The following CERS3 variants were observed in gnomAD, a reference collection of about 807,000 sequenced individuals.
CERS3 encodes LAG1 homolog, ceramide synthase 3.
CERS3 carries 33 observed loss-of-function variants against 50.3 expected under a neutral mutation model. That is an observed-to-expected ratio of 0.66 (90% CI 0.50 to 0.88). The LOEUF is 0.88. CERS3 is among the 40% of genes least tolerant of loss of function. The probability of loss-of-function intolerance (pLI) is 0.00; values close to 1 mark genes in which losing one functional copy is unlikely to be tolerated. For synonymous variants in CERS3, 176 were observed against 155.2 expected, an observed-to-expected ratio of 1.13 and a Z score of -0.99; for missense variants, 470 against 460.3, an observed-to-expected ratio of 1.02 and a Z score of -0.19.
chr15:100,431,834 G>C (rs1357504101), intron 11 of CERS3, among the ~76,000 whole-genome samples: 1 of 152,174 alleles, frequency 6.6e-6, no homozygotes, highest in East Asian at 1.9e-4. Flanking sequence ...ACTCTAGTTA[G>C]CTGTAGTCAA....
At chr15:100,508,708 G>A (rs931930261) in intron 2 of CERS3, among the ~76,000 whole-genome samples, 6 of 152,050 alleles carry the variant, frequency 3.9e-5, no homozygotes, top group Non-Finnish European at 5.9e-5. Flanking sequence ...AGCAATTTCT[G>A]GCAATTTAAA....
intron 10 of CERS3, among the ~76,000 whole-genome samples, chr15:100,465,947 C>G (rs2034700743): frequency 6.6e-6 from 1 of 152,210 alleles, no homozygotes; most frequent in African/African-American, 2.4e-5. Flanking sequence ...GCGTGAGCTA[C>G]CGTGCCTGGC....
chr15:100,529,426 T>G (rs2036885438), upstream of CERS3, among the ~76,000 whole-genome samples: 1 of 152,218 alleles, frequency 6.6e-6, no homozygotes, highest in African/African-American at 2.4e-5. Context: ...AAACGATCAG[T>G]TTTTTGAAGC....
At chr15:100,472,116 A>G (rs1476942182) in intron 9 of CERS3, among the ~76,000 whole-genome samples, 3 of 152,254 alleles carry the variant, frequency 2.0e-5, no homozygotes, top group Non-Finnish European at 4.4e-5. Flanking sequence ...CCTGTATTCA[A>G]TTGTTAGCCC....
At chr15:100,421,039 C>T (rs1210820964) in intron 11 of CERS3, among the ~76,000 whole-genome samples, 3 of 146,260 alleles carry the variant, frequency 2.1e-5, no homozygotes, top group Non-Finnish European at 1.5e-5. Context: ...GGGATGCCCT[C>T]TCTCACCACT....
intron 7 of CERS3, among the ~76,000 whole-genome samples, chr15:100,477,561 G>C (rs772923925): frequency 6.6e-6 from 1 of 152,170 alleles, no homozygotes; most frequent in African/African-American, 2.4e-5. Flanking sequence ...AAATGCACTA[G>C]AGCGAACCTT....
intron 11 of CERS3, among the ~76,000 whole-genome samples, chr15:100,413,189 T>G (rs2031619928): frequency 6.6e-6 from 1 of 152,222 alleles, no homozygotes; most frequent in Non-Finnish European, 1.5e-5. Context: ...TTTTACATCC[T>G]TTAAAAACAG....
intron 3 of CERS3, among the ~76,000 whole-genome samples, chr15:100,496,821 T>C (rs527646770): frequency 1.3e-4 from 20 of 152,346 alleles, no homozygotes; most frequent in African/African-American, 4.3e-4. Context: ...ATTTTAGTTA[T>C]GAATGATCAT....
chr15:100,472,569 A>G (rs916298058), intron 9 of CERS3, among the ~76,000 whole-genome samples: 3 of 152,210 alleles, frequency 2.0e-5, no homozygotes, highest in Non-Finnish European at 4.4e-5. Flanking sequence ...AGATGGTGCC[A>G]TCCAAATTTG....
At chr15:100,443,803 AAAC>A (rs1596672014) in intron 11 of CERS3, among the ~76,000 whole-genome samples, 2 of 152,054 alleles carry the variant, frequency 1.3e-5, no homozygotes, top group Non-Finnish European at 2.9e-5. Flanking sequence ...ACCTTCTACA[AAAC>A]AACAACTCCT....
At chr15:100,478,398 G>T (rs1222899479) in intron 7 of CERS3, among the ~76,000 whole-genome samples, 2 of 152,132 alleles carry the variant, frequency 1.3e-5, no homozygotes, top group Non-Finnish European at 1.5e-5. Context: ...GCTGGTAGAA[G>T]ATAGTAGACA....
intron 1 of CERS3, among the ~76,000 whole-genome samples, chr15:100,543,533 C>A (rs147407480): frequency 7.2e-6 from 1 of 139,726 alleles, no homozygotes; most frequent in East Asian, 2.1e-4. Flanking sequence ...TCCTTTCTTT[C>A]TTTTTTTTTT....
rs564572742 is a variant in CERS3 at position 100,442,030 on chromosome 15, G to T, written c.999+13863C>A. 1.3e-3 allele frequency among the ~76,000 whole-genome samples: 204 copies of T among 152,078 alleles called. 1 individual carries two copies. Among genetic ancestry groups the T allele is most frequent in the South Asian group, 0.012 (60 of 4,806 alleles). ...TATCACCTCCCCTCCTCACACCCAGGCCGGCTTACAGTTTTGTTCCATGAC... is the reference window on the plus strand; with the variant it reads ...TATCACCTCCCCTCCTCACACCCAGTCCGGCTTACAGTTTTGTTCCATGAC... On this transcript the variant is annotated intron_variant, in intron 11 of 11. Coordinates refer to ENST00000679737, the MANE Select transcript of CERS3 (RefSeq NM_001378789.1).
At chr15:100,462,592 A>G (rs1365384041) in intron 10 of CERS3, among the ~76,000 whole-genome samples, 1 of 152,202 alleles carries the variant, frequency 6.6e-6, no homozygotes, top group African/African-American at 2.4e-5. Context: ...TCTTAACCCT[A>G]CTTTCAAATT....
intron 7 of CERS3, among the ~76,000 whole-genome samples, chr15:100,479,096 G>T (rs1277078326): frequency 1.3e-5 from 2 of 151,938 alleles, no homozygotes; most frequent in East Asian, 3.9e-4. Context: ...CAATATAAGG[G>T]ATGAAAAAGA....
chr15:100,477,238 G>A (rs1461204441), intron 7 of CERS3, among the ~76,000 whole-genome samples: 1 of 152,214 alleles, frequency 6.6e-6, no homozygotes, highest in African/African-American at 2.4e-5. Context: ...GTAAGTTGGA[G>A]ACAGAAGATG....
Position 100,472,923 on chromosome 15 carries a change from C to T in CERS3, c.738+1G>A, listed in dbSNP as rs1254425265. The T allele has an allele frequency of 1.2e-6, 2 of 1,613,822 alleles. No homozygotes were observed. Among genetic ancestry groups the T allele is most frequent in the South Asian group, 1.1e-5 (1 of 91,078 alleles). ...TTAGTTTTTTAATGGCAAACGTTTA[C>T]CTCCAGCCAAATGTCAGCCACATCG... is the stretch of plus-strand genomic sequence containing the variant. On this transcript the variant is annotated splice_donor_variant, in intron 9 of 11. Coordinates refer to ENST00000679737, the MANE Select transcript of CERS3 (RefSeq NM_001378789.1). LOFTEE classifies it high-confidence loss of function.
At chr15:100,498,163 G>A (rs756305189) in intron 3 of CERS3, among the ~76,000 whole-genome samples, 19 of 152,154 alleles carry the variant, frequency 1.2e-4, no homozygotes, top group Non-Finnish European at 2.4e-4. Context: ...CAAAGTGCTG[G>A]AATTACAGGC....
rs1267817858 is a variant in CERS3, at chr15:100,401,684, C to A, written c.*1029G>T. ...TGCGTGCCCTCCCCAGAGGCTCAGG[C>A]CTCCTGGGTGATGAGGCTCAGCAAG... is the stretch of plus-strand genomic sequence containing the variant. On this transcript the variant is annotated 3_prime_UTR_variant, in exon 12 of 12. Coordinates refer to ENST00000679737, the MANE Select transcript of CERS3 (RefSeq NM_001378789.1). 2.0e-5 allele frequency: 3 copies of A among 152,410 alleles called. No homozygotes were observed. The highest frequency in any genetic ancestry group is 7.2e-5 in the African/African-American group (3 of 41,464). 9.4% of individuals were successfully genotyped at this position (152,410 alleles called of 1,614,324 possible).
Sources: allele counts gnomAD v4.1 joint callset (sites outside exome capture counted in the v4.1 genomes callset), GRCh38; gene constraint gnomAD v4.1.1; transcripts MANE v1.5; gene names NCBI Gene and HGNC (gene_info 2026-07-23, HGNC 2026-07-21).